Variants in POLR2H observed in about 807,000 individuals in gnomAD.
POLR2H encodes the protein RNA polymerase II, I and III subunit H.
POLR2H carries 3 observed loss-of-function variants against 18.1 expected under a neutral mutation model. The ratio of observed to expected loss-of-function variants is 0.17; its 90% CI spans 0.08 to 0.43. The LOEUF is 0.43. Among genes scored for constraint, POLR2H ranks in the 20% least tolerant of loss-of-function variants. The pLI is 0.99. For missense variants in POLR2H, 103 were observed against 184.6 expected (o/e 0.56, Z 2.56); for synonymous variants, 76 against 69.0 (o/e 1.10, Z -0.50).
Position 184,368,239 on chromosome 3 carries a change from A to C in POLR2H, c.398A>C (p.His133Pro), listed in dbSNP as rs1410454761. 1.2e-6 allele frequency: 2 copies of C among 1,613,620 alleles called. No individual in the cohort carries two copies. Among genetic ancestry groups the C allele is most frequent in the East Asian group, 2.2e-5 (1 of 44,860 alleles). Residue 133 changes from histidine to proline, a missense_variant, in exon 6 of 6, where the codon CAT becomes CCT. His to Pro is a moderately conservative substitution (Grantham distance 77). Coordinates refer to ENST00000456318, the MANE Select transcript of POLR2H (RefSeq NM_006232.5). ...MRLQGDANNL[H>P]GFEVDSRVYL... ...CTGCAGGGGGATGCCAACAACCTGC[A>C]TGGATTCGAGGTGGACTCCAGAGTT...
At chr3:184,366,539 T>A (rs552169039) in intron 4 of POLR2H, 178 bp from the exon 5 acceptor site, 1 of 423,964 alleles carries the variant, frequency 2.4e-6, no homozygotes, top group Non-Finnish European at 4.3e-6. Context: ...GGGGTTTCAC[T>A]GTGTTAGCCA....
intron 5 of POLR2H, 23 bp from the exon 6 acceptor site, chr3:184,368,154 C>A (rs765707328): frequency 6.2e-7 from 1 of 1,613,818 alleles, no homozygotes; most frequent in East Asian, 2.2e-5. Flanking sequence ...TCCAGAATCA[C>A]GGGATGGGGC....
At chr3:184,364,826 T>A in intron 2 of POLR2H, 140 bp from the exon 3 acceptor site, 1 of 637,566 alleles carries the variant, frequency 1.6e-6, no homozygotes, top group East Asian at 2.6e-5. Context: ...TGGTTCTGAT[T>A]GAGCCTGAAT....
At chr3:184,364,887 G>C in intron 2 of POLR2H, 79 bp from the exon 3 acceptor site, 2 of 914,628 alleles carry the variant, frequency 2.2e-6, no homozygotes, top group Non-Finnish European at 3.6e-6. Context: ...GTTAGATTGA[G>C]TATCCTGTTG....
rs1345638921 is a variant in POLR2H, at chr3:184,368,170, G to C, written c.336-7G>C. 4 of 1,614,122 alleles carry C rather than the reference G, an allele frequency of 2.5e-6. No homozygotes were observed. Among genetic ancestry groups the C allele is most frequent in the Non-Finnish European group, 2.5e-6 (3 of 1,180,026 alleles). ...CCAGAATCACGGGATGGGGCCTTCTGTTTCAGCTCTGCGTACGTGTCCTAT... is the reference window on the plus strand; with the variant it reads ...CCAGAATCACGGGATGGGGCCTTCTCTTTCAGCTCTGCGTACGTGTCCTAT... On this transcript the variant is annotated splice_polypyrimidine_tract_variant and splice_region_variant and intron_variant, in intron 5 of 5. Transcript: ENST00000456318.
chr3:184,367,092 T>G (rs1713425782), intron 5 of POLR2H, among the ~76,000 whole-genome samples: 3 of 147,856 alleles, frequency 2.0e-5, no homozygotes, highest in Admixed American at 1.4e-4. Context: ...CTGTTAGGCT[T>G]TGTGTGTGTG....
chr3:184,367,168 TGTG>T (rs61225236), intron 5 of POLR2H, among the ~76,000 whole-genome samples: 7,101 of 151,156 alleles, frequency 0.047, 319 homozygotes, highest in African/African-American at 0.12. Flanking sequence ...TGTGTGTGTG[TGTG>T]GCTACTCTGT....
rs1320496663 is a variant in POLR2H at position 184,368,502 on chromosome 3, T to C, written c.*208T>C. ...AGCTGAAAATGAATCAGAAGCTTTATGTATATGATTTTTAAATTAAACTTT... is the reference window on the plus strand; with the variant it reads ...AGCTGAAAATGAATCAGAAGCTTTACGTATATGATTTTTAAATTAAACTTT... On this transcript the variant is annotated 3_prime_UTR_variant, in exon 6 of 6. Coordinates refer to ENST00000456318, the MANE Select transcript of POLR2H (RefSeq NM_006232.5). 1.4e-5 allele frequency: 6 copies of C among 424,662 alleles called. No homozygotes were observed. Among genetic ancestry groups the C allele is most frequent in the African/African-American group, 4.1e-5 (2 of 48,898 alleles). 26.3% of individuals were successfully genotyped at this position (424,662 alleles called of 1,614,324 possible).
intron 5 of POLR2H, among the ~76,000 whole-genome samples, chr3:184,367,232 T>C (rs1713468937): frequency 6.6e-6 from 1 of 152,140 alleles, no homozygotes; most frequent in African/African-American, 2.4e-5. Context: ...TTTTCTTTTC[T>C]TTAAAGTCTT....
chr3:184,368,338 G>C lies in POLR2H; in HGVS notation c.*44G>C. ...CTCTCTGCCAAGTCACTCAGGTCAT[G>C]GGCATTGTTCAAGCCTGAGTGGCAG... On this transcript the variant is annotated 3_prime_UTR_variant, in exon 6 of 6. Coordinates refer to ENST00000456318, the MANE Select transcript of POLR2H (RefSeq NM_006232.5). 6.6e-7 allele frequency: 1 copy of C among 1,517,986 alleles called. No homozygotes were observed. The highest frequency in any genetic ancestry group is 8.9e-7 in the Non-Finnish European group (1 of 1,120,616). The allele number at this position is 1,517,986 out of a possible 1,614,324, so 94.0% of individuals were successfully genotyped here.
Position 184,363,199 on chromosome 3 carries a change from A to G in POLR2H, c.-294A>G. 1 of 478,140 alleles carries G rather than the reference A, an allele frequency of 2.1e-6. No individual in the cohort carries two copies. Among genetic ancestry groups the G allele is most frequent in the South Asian group, 2.0e-5 (1 of 49,360 alleles). 29.6% of individuals were successfully genotyped at this position (478,140 alleles called of 1,614,324 possible). A position where few individuals can be genotyped will look rare whatever the true frequency, so the allele number is the denominator to read the frequency against. On this transcript the variant is annotated 5_prime_UTR_variant, in exon 2 of 6. Coordinates refer to ENST00000456318, the MANE Select transcript of POLR2H (RefSeq NM_006232.5). The stretch of plus-strand genomic sequence containing the variant: ...AGCGGAGCGCGAGAACCCGCTCTAC[A>G]GCCTATTGCTTCCCCGCCCTGGGCA...
In POLR2H at chr3:184,366,578, T is replaced by C. The variant is rs372814933; in HGVS notation, c.252-139T>C. 2.2e-3 allele frequency: 1,213 copies of C among 549,870 alleles called. 29 individuals are homozygous for C. The highest frequency in any genetic ancestry group is 0.018 in the South Asian group (960 of 52,466). The allele number at this position is 549,870 out of a possible 1,614,324, so 34.1% of individuals were successfully genotyped here. ...TGGTCTCGATCTCCTGACCTCGTGATCTGCCCGCCTTGGCCTCCCAAAGTG... is the reference window on the plus strand; with the variant it reads ...TGGTCTCGATCTCCTGACCTCGTGACCTGCCCGCCTTGGCCTCCCAAAGTG... On this transcript the variant is annotated intron_variant, in intron 4 of 5. Transcript: ENST00000456318.
At chr3:184,367,531 GC>G (rs1283205296) in intron 5 of POLR2H, among the ~76,000 whole-genome samples, 1 of 149,528 alleles carries the variant, frequency 6.7e-6, no homozygotes, top group African/African-American at 2.5e-5. Context: ...GTGTTGCCCA[GC>G]CTGGAGTGCA....
chr3:184,365,817 C>CA (rs766789138), intron 4 of POLR2H, among the ~76,000 whole-genome samples: 4 of 148,906 alleles, frequency 2.7e-5, no homozygotes, highest in East Asian at 3.9e-4. Context: ...ACTAAAAATA[C>CA]AAAAAAAAAT....
intron 5 of POLR2H, among the ~76,000 whole-genome samples, chr3:184,367,145 C>CTGTGTG (rs139867729): frequency 8.3e-5 from 4 of 48,140 alleles, no homozygotes; most frequent in South Asian, 5.3e-4. Flanking sequence ...CTGTAAAAGG[C>CTGTGTG]TGTGTGTGTG....
At position 184,368,230 on chromosome 3, in the gene POLR2H, A is replaced by G. The variant is rs1378590413; in HGVS notation, c.389A>G (p.Asn130Ser). The G allele has an allele frequency of 6.2e-7, 1 of 1,613,698 alleles. No individual in the cohort carries two copies. ...GLLMRLQGDA[N>S]NLHGFEVDSR... ...CTCATGAGGCTGCAGGGGGATGCCA[A>G]CAACCTGCATGGATTCGAGGTGGAC... Residue 130 changes from asparagine (N) to serine (S), a missense_variant, in exon 6 of 6, where the codon AAC (asparagine) becomes AGC (serine). Physicochemically the swap from Asn to Ser is conservative, Grantham distance 46. Coordinates refer to ENST00000456318, the MANE Select transcript of POLR2H (RefSeq NM_006232.5).
intron 4 of POLR2H, among the ~76,000 whole-genome samples, chr3:184,365,770 G>A (rs1202224852): frequency 2.6e-5 from 4 of 151,766 alleles, no homozygotes; most frequent in Non-Finnish European, 5.9e-5. Flanking sequence ...TCAGGAGATC[G>A]AGACCATCCT....
In POLR2H at chr3:184,363,387, G is replaced by C; in HGVS notation, c.-106G>C. 2.1e-6 allele frequency: 2 copies of C among 932,560 alleles called. No individual in the cohort carries two copies. The highest frequency in any genetic ancestry group is 3.5e-6 in the Non-Finnish European group (2 of 578,460). 57.8% of individuals were successfully genotyped at this position (932,560 alleles called of 1,614,324 possible). A position where few individuals can be genotyped will look rare whatever the true frequency, so the allele number is the denominator to read the frequency against. The stretch of plus-strand genomic sequence containing the variant: ...CTCTCGTCTGGCCGCCGCGCTTTCA[G>C]GAGGTGCTTTTGGTTCTCTCCGGTC... On this transcript the variant is annotated 5_prime_UTR_variant, in exon 2 of 6. Transcript: ENST00000456318.
intron 2 of POLR2H, 64 bp from the exon 3 acceptor site, chr3:184,364,902 C>T: frequency 9.3e-7 from 1 of 1,079,018 alleles, no homozygotes; most frequent in African/African-American, 1.5e-5. Flanking sequence ...CTGTTGCATA[C>T]AATCCCACAC....
Sources: allele counts gnomAD v4.1 joint callset (sites outside exome capture counted in the v4.1 genomes callset), GRCh38; gene constraint gnomAD v4.1.1; transcripts MANE v1.5; gene names NCBI Gene and HGNC (gene_info 2026-07-23, HGNC 2026-07-21).